The following CCSER1 variants were observed in gnomAD, a reference collection of about 807,000 sequenced individuals.
CCSER1 encodes serine-rich coiled-coil domain-containing protein 1.
CCSER1 carries 41 observed loss-of-function variants against 82.0 expected under a neutral mutation model. The observed-to-expected ratio is 0.50, with a 90% confidence interval of 0.39 to 0.65. The LOEUF (loss-of-function observed/expected upper bound fraction) is 0.65. Among genes scored for constraint, CCSER1 ranks in the 30% least tolerant of loss-of-function variants. CCSER1 has a pLI of 0.00. For missense variants in CCSER1, 1,119 were observed against 1,064.2 expected (o/e 1.05, Z -0.72); for synonymous variants, 414 against 383.9 (o/e 1.08, Z -0.92).
rs189180936 is a variant in CCSER1, at chr4:90,858,394, C to T, written c.2094+42549C>T. Among the ~76,000 whole-genome samples, 4 of 152,094 alleles carry T rather than the reference C, an allele frequency of 2.6e-5. No homozygotes were observed. The East Asian group carries it at 7.7e-4, about 29-fold the overall frequency. On this transcript the variant is annotated intron_variant, in intron 8 of 10. Transcript: ENST00000509176. ...TCTCAGTTTCCCAAACATACAGACT[C>T]TAATTGCTTTTTAGATCAAATAAGA...
rs576056654 is a variant in CCSER1 at position 90,612,449 on chromosome 4, G to A, written c.1725-15576G>A. Among the ~76,000 whole-genome samples the A allele has an allele frequency of 3.0e-4, 45 of 152,238 alleles. No homozygotes were observed. The South Asian group carries it at 9.3e-3, about 32-fold the overall frequency. On this transcript the variant is annotated intron_variant, in intron 5 of 10. Coordinates refer to ENST00000509176, the MANE Select transcript of CCSER1 (RefSeq NM_001145065.2). ...ACAGAAAATGAGTAAACATTAATGT[G>A]TTGGAACTACCAATGAAAAGAAACT...
intron 9 of CCSER1, among the ~76,000 whole-genome samples, chr4:90,948,295 GTAAATA>G (rs1561406498): frequency 6.6e-6 from 1 of 151,572 alleles, no homozygotes. Flanking sequence ...AAATATAAAT[GTAAATA>G]TAAATAAATA....
chr4:90,837,369 A>T (rs1580711155), intron 8 of CCSER1, among the ~76,000 whole-genome samples: 1 of 152,258 alleles, frequency 6.6e-6, no homozygotes, highest in East Asian at 1.9e-4. Flanking sequence ...GCTTCTCACT[A>T]TTCACAATAC....
At chr4:91,549,200 AGTTC>A (rs976945006) in intron 10 of CCSER1, among the ~76,000 whole-genome samples, 2 of 151,958 alleles carry the variant, frequency 1.3e-5, no homozygotes, top group African/African-American at 4.8e-5. Context: ...GGTCTCTAGT[AGTTC>A]TTTTTTATTC....
At chr4:91,369,077 G>A (rs905368823) in intron 10 of CCSER1, among the ~76,000 whole-genome samples, 2 of 152,178 alleles carry the variant, frequency 1.3e-5, no homozygotes, top group Admixed American at 1.3e-4. Flanking sequence ...TGTAGGCAGA[G>A]CTTTTATCCC....
At chr4:90,966,769 A>G (rs1416266882) in intron 9 of CCSER1, among the ~76,000 whole-genome samples, 2 of 152,150 alleles carry the variant, frequency 1.3e-5, no homozygotes, top group Admixed American at 6.5e-5. Flanking sequence ...GTAAAACTAT[A>G]TTGATGTATG....
At chr4:90,707,097 A>G (rs1402226539) in intron 6 of CCSER1, among the ~76,000 whole-genome samples, 1 of 152,138 alleles carries the variant, frequency 6.6e-6, no homozygotes, top group East Asian at 1.9e-4. Context: ...TGTAGTCTTC[A>G]TCCCAACCCC....
At chr4:90,193,492 A>G (rs1452146781) in intron 1 of CCSER1, among the ~76,000 whole-genome samples, 1 of 152,032 alleles carries the variant, frequency 6.6e-6, no homozygotes, top group African/African-American at 2.4e-5. Context: ...TGTTTTATAG[A>G]TTAAGATAAT....
chr4:91,470,341 T>C (rs970906890), intron 10 of CCSER1, among the ~76,000 whole-genome samples: 1 of 152,194 alleles, frequency 6.6e-6, no homozygotes, highest in African/African-American at 2.4e-5. Flanking sequence ...TAGTTGGAAG[T>C]AATTCTATTC....
At chr4:90,566,258 T>C (rs970376940) in intron 5 of CCSER1, among the ~76,000 whole-genome samples, 1 of 152,134 alleles carries the variant, frequency 6.6e-6, no homozygotes, top group Non-Finnish European at 1.5e-5. Context: ...GTAGTTTTAT[T>C]AATAGTGTCT....
chr4:90,660,915 AT>A (rs1223842650), intron 6 of CCSER1, among the ~76,000 whole-genome samples: 1 of 151,838 alleles, frequency 6.6e-6, no homozygotes, highest in Non-Finnish European at 1.5e-5. Context: ...CAATTTTGAG[AT>A]GAAGAGTAAA....
intron 10 of CCSER1, among the ~76,000 whole-genome samples, chr4:91,330,071 T>A (rs1370133013): frequency 6.6e-6 from 1 of 152,166 alleles, no homozygotes; most frequent in Non-Finnish European, 1.5e-5. Context: ...CATTAATTTT[T>A]TGCCTTTACT....
chr4:91,342,575 A>AT (rs796366904), intron 10 of CCSER1, among the ~76,000 whole-genome samples: 6 of 152,048 alleles, frequency 3.9e-5, no homozygotes, highest in African/African-American at 7.2e-5. Context: ...TGTTCTGTGT[A>AT]TTTTTTCCCA....
In CCSER1 at chr4:90,203,637, A is replaced by G. The variant is rs188642909; in HGVS notation, c.-42+75806A>G. On this transcript the variant is annotated intron_variant, in intron 1 of 10. Transcript: ENST00000509176. Reference sequence around the variant, plus strand: ...TGGTTCCAAGTCTTTGCTATTGTGAATAGTGCTGCAATAAACATACGTGTG... The same window carrying G: ...TGGTTCCAAGTCTTTGCTATTGTGAGTAGTGCTGCAATAAACATACGTGTG... 2.1e-3 allele frequency among the ~76,000 whole-genome samples: 324 copies of G among 152,282 alleles called. 1 individual carries two copies. Among genetic ancestry groups the G allele is most frequent in the Non-Finnish European group, 3.7e-3 (251 of 68,008 alleles).
intron 10 of CCSER1, among the ~76,000 whole-genome samples, chr4:91,461,983 T>C (rs1353072387): frequency 1.3e-5 from 2 of 152,198 alleles, no homozygotes; most frequent in Non-Finnish European, 2.9e-5. Flanking sequence ...ATCTATTTAA[T>C]GTGTTTCATC....
rs1447345585 is a variant in CCSER1 at position 90,933,012 on chromosome 4, GAAAGAA to G, written c.2172+9567_2172+9572del. ...AGAAAGAAAGAAAGAAAGAAAGAAA[GAAAGAA>G]AGAAAGAAAGAAAGAAAGAAAGAAA... On this transcript the variant is annotated intron_variant, in intron 9 of 10. Coordinates refer to ENST00000509176, the MANE Select transcript of CCSER1 (RefSeq NM_001145065.2). 2.7e-4 allele frequency among the ~76,000 whole-genome samples: 21 copies of G among 78,454 alleles called. 6 individuals carry two copies. Among genetic ancestry groups the G allele is most frequent in the African/African-American group, 1.9e-3 (20 of 10,696 alleles). 51.5% of individuals were successfully genotyped at this position (78,454 alleles called of 152,430 possible).
chr4:90,570,589 C>T (rs544541124), intron 5 of CCSER1, among the ~76,000 whole-genome samples: 6 of 152,210 alleles, frequency 3.9e-5, no homozygotes, highest in Admixed American at 3.3e-4. Flanking sequence ...TGGACTATCC[C>T]TAAGAGAGGG....
intron 5 of CCSER1, among the ~76,000 whole-genome samples, chr4:90,607,821 A>G (rs1784931150): frequency 6.6e-6 from 1 of 152,158 alleles, no homozygotes; most frequent in Admixed American, 6.6e-5. Context: ...CTTCTTAAAC[A>G]TGGATCTTGA....
intron 10 of CCSER1, among the ~76,000 whole-genome samples, chr4:91,512,961 T>C (rs1227673923): frequency 1.3e-5 from 2 of 152,240 alleles, no homozygotes; most frequent in East Asian, 1.9e-4. Flanking sequence ...TTATTTTTTT[T>C]ATCTTGCCTG....
Sources: gnomAD v4.1 joint callset for allele counts (sites outside exome capture counted in the v4.1 genomes callset) on GRCh38, gnomAD v4.1.1 for gene constraint, MANE v1.5 for transcripts, NCBI Gene and HGNC (gene_info 2026-07-23, HGNC 2026-07-21) for gene names.